The following MARCHF10 variants were observed in gnomAD, a reference collection of about 807,000 sequenced individuals.
MARCHF10 encodes the protein membrane associated ring-CH-type finger 10, also known as probable E3 ubiquitin-protein ligase MARCHF10.
Under a neutral mutation model 76.2 loss-of-function variants are expected in MARCHF10, and 64 were observed. The ratio of observed to expected loss-of-function variants is 0.84; its 90% CI spans 0.69 to 1.03. MARCHF10 has a LOEUF of 1.03. MARCHF10 is among the 50% of genes least tolerant of loss of function. The probability of loss-of-function intolerance (pLI) is 0.00; values close to 1 mark genes in which losing one functional copy is unlikely to be tolerated. For synonymous variants in MARCHF10, 340 were observed against 357.5 expected (o/e 0.95, Z 0.55); for missense variants, 875 against 958.0 (o/e 0.91, Z 1.14).
intron 3 of MARCHF10, among the ~76,000 whole-genome samples, chr17:62,782,822 C>T (rs571158913): frequency 3.0e-4 from 46 of 152,186 alleles, no homozygotes; most frequent in Middle Eastern, 3.4e-3. Flanking sequence ...GCAGGATGGA[C>T]GTTATGAGAG....
At chr17:62,771,377 G>A (rs774421469) in intron 3 of MARCHF10, among the ~76,000 whole-genome samples, 23 of 151,780 alleles carry the variant, frequency 1.5e-4, no homozygotes, top group Non-Finnish European at 2.9e-4. Flanking sequence ...GGAACAGCAC[G>A]TGCAAAGGTG....
At chr17:62,713,461 C>CT in intron 8 of MARCHF10, among the ~76,000 whole-genome samples, 1 of 152,200 alleles carries the variant, frequency 6.6e-6, no homozygotes, top group East Asian at 1.9e-4. Flanking sequence ...GATTGTGTCT[C>CT]TTCTCTGATC....
At chr17:62,716,524 C>G (rs1599068745) in intron 8 of MARCHF10, among the ~76,000 whole-genome samples, 1 of 151,934 alleles carries the variant, frequency 6.6e-6, no homozygotes, top group East Asian at 1.9e-4. Flanking sequence ...TCCCTTGAAC[C>G]CAGGAGGGAC....
intron 5 of MARCHF10, among the ~76,000 whole-genome samples, chr17:62,740,195 AG>A (rs2091457826): frequency 6.6e-6 from 1 of 152,050 alleles, no homozygotes; most frequent in African/African-American, 2.4e-5. Flanking sequence ...CAGGAGCTCT[AG>A]GGCTGGGAAT....
intron 7 of MARCHF10, 62 bp from the exon 8 acceptor site, chr17:62,722,659 G>T: frequency 7.2e-7 from 1 of 1,390,472 alleles, no homozygotes; most frequent in Non-Finnish European, 1.0e-6. Context: ...TTAGCACTTT[G>T]GACAGGTGAT....
At position 62,702,403 on chromosome 17, in the gene MARCHF10, G is replaced by A. The variant is rs1023047988; in HGVS notation, c.2372-645C>T. ...GGTGGCTCACGCCTGTAATCCCAGC[G>A]CTTTGGAAGGCCAAGGGGCGGGGGG... On this transcript the variant is annotated intron_variant, in intron 10 of 10. Transcript: ENST00000311269. Among the ~76,000 whole-genome samples, 23 of 139,762 alleles carry A rather than the reference G, an allele frequency of 1.6e-4. No homozygotes were observed. The East Asian group carries it at 2.0e-3, about 12-fold the overall frequency. The allele number at this position is 139,762 out of a possible 152,430, so 91.7% of individuals were successfully genotyped here. A position where few individuals can be genotyped will look rare whatever the true frequency, so the allele number is the denominator to read the frequency against.
chr17:62,788,136 G>A (rs2092775902), intron 3 of MARCHF10, among the ~76,000 whole-genome samples: 2 of 152,166 alleles, frequency 1.3e-5, no homozygotes, highest in South Asian at 4.1e-4. Context: ...CTGTGCTTAA[G>A]AAGGCCCAGT....
rs1468220960 is a variant in MARCHF10, at chr17:62,711,453, C to G, written c.2215-109G>C. Reference sequence around the variant, plus strand: ...AGGTGACAAGAACTGGGAGAAGAGCCCAAGCTCCAAGGCAAGGCCTGCTCT... The same window carrying G: ...AGGTGACAAGAACTGGGAGAAGAGCGCAAGCTCCAAGGCAAGGCCTGCTCT... On this transcript the variant is annotated intron_variant, in intron 8 of 10. Transcript: ENST00000311269. This position sits in a 1 kb window ranked among gnomAD's most constrained non-coding sequence, Gnocchi z 4.4. 6.1e-6 allele frequency: 6 copies of G among 991,248 alleles called. No homozygotes were observed. In the South Asian group the frequency reaches 9.0e-5, roughly 15 times the overall value. 61.4% of individuals were successfully genotyped at this position (991,248 alleles called of 1,614,324 possible).
chr17:62,769,807 T>C lies in MARCHF10; in HGVS notation c.211-9801A>G, dbSNP rs562914062. Among the ~76,000 whole-genome samples, 13 of 152,352 alleles carry C rather than the reference T, an allele frequency of 8.5e-5. No individual in the cohort carries two copies. In the South Asian group the frequency reaches 2.7e-3, roughly 32 times the overall value. On this transcript the variant is annotated intron_variant, in intron 3 of 10. Transcript: ENST00000311269. ...CCTTTCTTTTTTCTTTTTATTATCA[T>C]TGCATTCTCAAGGATATGTTTTATT... is the stretch of plus-strand genomic sequence containing the variant.
At chr17:62,729,083 G>T (rs2090897067) in intron 6 of MARCHF10, among the ~76,000 whole-genome samples, 1 of 151,864 alleles carries the variant, frequency 6.6e-6, no homozygotes, top group Non-Finnish European at 1.5e-5. Flanking sequence ...GGGACCACAG[G>T]CACACGCCAC....
intron 6 of MARCHF10, among the ~76,000 whole-genome samples, chr17:62,728,225 C>T (rs150474833): frequency 7.9e-4 from 120 of 152,158 alleles, no homozygotes; most frequent in Non-Finnish European, 1.6e-3. Context: ...ACAGGGTCTC[C>T]ATTGTTGCCA....
At chr17:62,741,049 C>T (rs1227214085) in intron 5 of MARCHF10, among the ~76,000 whole-genome samples, 1 of 152,142 alleles carries the variant, frequency 6.6e-6, no homozygotes, top group African/African-American at 2.4e-5. Flanking sequence ...TCCCTGAAGG[C>T]ATTTGAATTT....
At chr17:62,797,897 C>T (rs915216077) in intron 2 of MARCHF10, among the ~76,000 whole-genome samples, 8 of 136,932 alleles carry the variant, frequency 5.8e-5, no homozygotes, top group South Asian at 2.6e-4. Flanking sequence ...GGCACAAGTG[C>T]GTGAGTTCTT....
rs2090434638 is a variant in MARCHF10, at chr17:62,720,624, G to A, written c.2214+1864C>T. Among the ~76,000 whole-genome samples the A allele has an allele frequency of 2.0e-5, 3 of 152,288 alleles. No homozygotes were observed. The South Asian group carries it at 6.2e-4, about 32-fold the overall frequency. ...GGTTACTTTCCCCCTCCCCCTGCTG[G>A]AAGCATGAAGGAATTTTTCTCTGCT... On this transcript the variant is annotated intron_variant, in intron 8 of 10. Transcript: ENST00000311269.
At chr17:62,803,719 T>C (rs1356953316) in intron 1 of MARCHF10, among the ~76,000 whole-genome samples, 1 of 152,050 alleles carries the variant, frequency 6.6e-6, no homozygotes, top group Non-Finnish European at 1.5e-5. Context: ...TTTCACCATA[T>C]CGGCCAGACT....
chr17:62,733,547 ACCACCAGC>A (rs564225298), intron 6 of MARCHF10, among the ~76,000 whole-genome samples: 3 of 152,132 alleles, frequency 2.0e-5, no homozygotes, highest in African/African-American at 7.2e-5. Flanking sequence ...AAATGTGTTC[ACCACCAGC>A]CCACCAGCCC....
Position 62,711,104 on chromosome 17 carries a change from C to T in MARCHF10, c.2328+127G>A. 1 of 723,170 alleles carries T rather than the reference C, an allele frequency of 1.4e-6. No individual in the cohort carries two copies. Among genetic ancestry groups the T allele is most frequent in the Non-Finnish European group, 2.4e-6 (1 of 417,322 alleles). 44.8% of individuals were successfully genotyped at this position (723,170 alleles called of 1,614,324 possible). A position where few individuals can be genotyped will look rare whatever the true frequency, so the allele number is the denominator to read the frequency against. The stretch of plus-strand genomic sequence containing the variant: ...ACTTAGCAGCTGCTAAATCTTAGTC[C>T]TAACAATGATAGTCCCATATCCTCC... On this transcript the variant is annotated intron_variant, in intron 9 of 10. Coordinates refer to ENST00000311269, the MANE Select transcript of MARCHF10 (RefSeq NM_152598.4). This position sits in a 1 kb window ranked among gnomAD's most constrained non-coding sequence, Gnocchi z 4.4.
chr17:62,790,667 G>A (rs966074325), intron 2 of MARCHF10, among the ~76,000 whole-genome samples: 66 of 152,278 alleles, frequency 4.3e-4, no homozygotes, highest in African/African-American at 1.5e-3. Flanking sequence ...CCTTCAGCAC[G>A]TTTCACGCCC....
intron 8 of MARCHF10, among the ~76,000 whole-genome samples, chr17:62,714,111 G>A (rs2090071579): frequency 6.6e-6 from 1 of 152,338 alleles, no homozygotes; most frequent in Admixed American, 6.5e-5. Flanking sequence ...GGCTGAGATG[G>A]AGCCAGGCCA....
Sources: allele counts gnomAD v4.1 joint callset (sites outside exome capture counted in the v4.1 genomes callset), GRCh38; gene constraint gnomAD v4.1.1; non-coding constraint Gnocchi (gnomAD v3.1); transcripts MANE v1.5; gene names NCBI Gene and HGNC (gene_info 2026-07-23, HGNC 2026-07-21).